Variants in PAPLN observed in about 807,000 individuals in gnomAD.
PAPLN encodes the protein papilin, proteoglycan like sulfated glycoprotein, also known as papilin.
PAPLN carries 146 observed loss-of-function variants against 159.0 expected under a neutral mutation model. That is an observed-to-expected ratio of 0.92 (90% confidence interval 0.80 to 1.05). The LOEUF is 1.05. PAPLN is among the 50% of genes least tolerant of loss of function. The pLI, the probability that PAPLN is intolerant of heterozygous loss-of-function variation, is 0.00. For missense variants in PAPLN, 1,720 were observed against 1,743.9 expected, an observed-to-expected ratio of 0.99 and a Z score of 0.24; for synonymous variants, 734 against 702.9, an observed-to-expected ratio of 1.04 and a Z score of -0.70.
chr14:73,236,065 G>A (rs1218459328), upstream of PAPLN, among the ~76,000 whole-genome samples: 1 of 152,194 alleles, frequency 6.6e-6, no homozygotes, highest in Non-Finnish European at 1.5e-5. Context: ...AAGGGGACCA[G>A]CCTTTGCCAC....
chr14:73,251,863 C>A, intron 9 of PAPLN, 27 bp downstream of exon 9: 1 of 1,570,540 alleles, frequency 6.4e-7, no homozygotes, highest in South Asian at 1.2e-5. Flanking sequence ...GGAGAGAGGG[C>A]GAGTGGGCAG....
At position 73,251,821 on chromosome 14, in the gene PAPLN, G is replaced by C. The variant is rs569400108; in HGVS notation, c.828G>C (p.Glu276Asp). 6.3e-7 allele frequency: 1 copy of C among 1,596,090 alleles called. No homozygotes were observed. Among genetic ancestry groups the C allele is most frequent in the Non-Finnish European group, 8.5e-7 (1 of 1,174,272 alleles). ...ERLHARGPTS[E>D]PLVIELISQE... ...TCCATGCCCGGGGCCCCACCTCGGA[G>C]CCCCTGGTCATCGAGGTAAATGGGG... The change falls in exon 9 of 27, where the codon GAG (glutamate) becomes GAC (aspartate). Residue 276 changes from glutamate to aspartate, a missense_variant. Physicochemically the swap from Glu to Asp is conservative, Grantham distance 45 (BLOSUM62 2). Transcript: ENST00000644200.
intron 14 of PAPLN, among the ~76,000 whole-genome samples, chr14:73,257,204 TCAGG>T (rs1385111928): frequency 2.2e-4 from 33 of 152,324 alleles, no homozygotes; most frequent in African/African-American, 7.9e-4. Flanking sequence ...TCTCCTGGGC[TCAGG>T]CAATCCTCTC....
intron 3 of PAPLN, 172 bp downstream of exon 3, chr14:73,244,931 A>C: frequency 1.8e-6 from 1 of 554,592 alleles, no homozygotes; most frequent in Non-Finnish European, 3.1e-6. Flanking sequence ...AAATCAAACC[A>C]TTTCCCAGGG....
chr14:73,267,809 C>T (rs959266054), intron 25 of PAPLN, among the ~76,000 whole-genome samples: 1 of 152,194 alleles, frequency 6.6e-6, no homozygotes, highest in Non-Finnish European at 1.5e-5. Flanking sequence ...TGGATCTTTC[C>T]AGCAGCAAAC....
At chr14:73,239,110 CCA>C (rs1883265911) in intron 1 of PAPLN, among the ~76,000 whole-genome samples, 2 of 152,206 alleles carry the variant, frequency 1.3e-5, no homozygotes, top group African/African-American at 2.4e-5. Context: ...CACAGACACT[CCA>C]CACACACTGC....
intron 17 of PAPLN, 34 bp downstream of exon 17, chr14:73,260,863 G>A (rs776869348): frequency 4.7e-6 from 7 of 1,494,160 alleles, no homozygotes; most frequent in Admixed American, 2.3e-5. Context: ...GGAGCAGGGG[G>A]CCAGCCCGTG....
intron 14 of PAPLN, among the ~76,000 whole-genome samples, chr14:73,258,609 C>A (rs1029347755): frequency 1.3e-5 from 1 of 74,762 alleles, no homozygotes; most frequent in East Asian, 9.5e-4. Flanking sequence ...TATAGAAAGA[C>A]CCTATCTCTA....
In PAPLN at chr14:73,245,612, C is replaced by A; in HGVS notation, c.171-24C>A. 1 of 1,552,320 alleles carries A rather than the reference C, an allele frequency of 6.4e-7. No homozygotes were observed. The highest frequency in any genetic ancestry group is 1.2e-5 in the South Asian group (1 of 84,280). On this transcript the variant is annotated intron_variant, in intron 3 of 26. Coordinates refer to ENST00000644200, the MANE Select transcript of PAPLN (RefSeq NM_001365906.3). This position sits in a 1 kb window ranked among gnomAD's most constrained non-coding sequence, Gnocchi z 4.2. ...CAGGGACGTTGGGTCTCGGTCAGGT[C>A]TTCCCGGTGCTCTGGTCCCGCAGGA...
intron 26 of PAPLN, among the ~76,000 whole-genome samples, chr14:73,270,494 G>C (rs2140315983): frequency 6.6e-6 from 1 of 152,352 alleles, no homozygotes; most frequent in East Asian, 1.9e-4. Context: ...TGGTGACTAA[G>C]TGCCTGCCTG....
rs1887443696 is a variant in PAPLN, at chr14:73,268,687, G to A, written c.3631G>A (p.Val1211Ile). 1.9e-6 allele frequency: 3 copies of A among 1,613,426 alleles called. No individual in the cohort carries two copies. The highest frequency in any genetic ancestry group is 2.5e-6 in the Non-Finnish European group (3 of 1,179,686). ...TCSAYQGSQA[V>I]SRSTEVKVVS... ...CAGTGCCTACCAGGGGAGCCAGGCA[G>A]TCAGCCGCAGCACCGAGGTGAAGGT... Residue 1211 changes from valine to isoleucine, a missense_variant, in exon 26 of 27, where the codon GTC becomes ATC. Transcript: ENST00000644200.
At chr14:73,236,589 G>T (rs1328532340), upstream of PAPLN, among the ~76,000 whole-genome samples, 2 of 152,112 alleles carry the variant, frequency 1.3e-5, no homozygotes, top group Admixed American at 1.3e-4. Flanking sequence ...GTCCGAGGTG[G>T]GTGGATCACC....
At chr14:73,271,813 T>A (rs1887754288) in intron 26 of PAPLN, among the ~76,000 whole-genome samples, 1 of 152,138 alleles carries the variant, frequency 6.6e-6, no homozygotes, top group East Asian at 1.9e-4. Context: ...TGAAACTTAA[T>A]AGGGAGTTAT....
intron 11 of PAPLN, chr14:73,253,317 G>A (rs1175297720): frequency 8.2e-7 from 1 of 1,212,686 alleles, no homozygotes; most frequent in Non-Finnish European, 1.1e-6. Flanking sequence ...GATGGTGGCG[G>A]ACTTGGCTTT....
rs1429893002 is a variant in PAPLN, at chr14:73,274,111, A to G, written c.*1447A>G. 6.6e-6 allele frequency: 1 copy of G among 152,268 alleles called. No homozygotes were observed. Among genetic ancestry groups the G allele is most frequent in the Non-Finnish European group, 1.5e-5 (1 of 68,056 alleles). 9.4% of individuals were successfully genotyped at this position (152,268 alleles called of 1,614,324 possible). A position where few individuals can be genotyped will look rare whatever the true frequency, so the allele number is the denominator to read the frequency against. On this transcript the variant is annotated 3_prime_UTR_variant, in exon 27 of 27. Transcript: ENST00000644200. The stretch of plus-strand genomic sequence containing the variant: ...GCAAAATGTTTGCTGCCAAAGACAA[A>G]TCAGACTGTCAGTCATTAAAAACAG...
chr14:73,236,987 AAAG>A (rs1883072953), upstream of PAPLN, among the ~76,000 whole-genome samples: 1 of 152,042 alleles, frequency 6.6e-6, no homozygotes, highest in Non-Finnish European at 1.5e-5. Flanking sequence ...GGAGGGAAAG[AAAG>A]AAGAAAGGAA....
rs748899215 is a variant in PAPLN at position 73,250,933 on chromosome 14, C to T, written c.492C>T (p.Asp164=). The T allele has an allele frequency of 2.5e-5, 41 of 1,613,484 alleles. No homozygotes were observed. Among genetic ancestry groups the T allele is most frequent in the Non-Finnish European group, 3.4e-5 (40 of 1,179,872 alleles). Residue 164 remains aspartate, a synonymous_variant, in exon 7 of 27, where the codon GAC becomes GAT. Coordinates refer to ENST00000644200, the MANE Select transcript of PAPLN (RefSeq NM_001365906.3). ...TTGTCGGCTGTGATCACGAGCTGGA[C>T]TCGTCCAAGCAGGAGGACAAGTGTC... is the stretch of plus-strand genomic sequence containing the variant. ...CRVVGCDHEL[D]SSKQEDKCLR...
rs978818157 is a variant in PAPLN, at chr14:73,265,678, A to G, written c.3263+171A>G. ...GGGCAAAGGGCTCCTTGGGTTGGCT[A>G]ACATTTGAGTCTCTGGGCCTTTCCA... is the stretch of plus-strand genomic sequence containing the variant. On this transcript the variant is annotated intron_variant, in intron 23 of 26. Coordinates refer to ENST00000644200, the MANE Select transcript of PAPLN (RefSeq NM_001365906.3). This position sits in a 1 kb window ranked among gnomAD's most constrained non-coding sequence, Gnocchi z 4.1. Among the ~76,000 whole-genome samples the G allele has an allele frequency of 6.6e-6, 1 of 152,210 alleles. No individual in the cohort carries two copies. Among genetic ancestry groups the G allele is most frequent in the African/African-American group, 2.4e-5 (1 of 41,450 alleles).
intron 7 of PAPLN, 126 bp from the exon 8 acceptor site, chr14:73,251,360 G>C: frequency 9.3e-7 from 1 of 1,078,036 alleles, no homozygotes; most frequent in East Asian, 2.6e-5. Flanking sequence ...CAGCAGCTCG[G>C]CCCTGTCTGG....
Sources: gnomAD v4.1 joint callset for allele counts (sites outside exome capture counted in the v4.1 genomes callset) on GRCh38, gnomAD v4.1.1 for gene constraint, Gnocchi (gnomAD v3.1) non-coding constraint, MANE v1.5 for transcripts, NCBI Gene and HGNC (gene_info 2026-07-23, HGNC 2026-07-21) for gene names.